VIT: variants seen among roughly 807,000 people sequenced by gnomAD.
VIT encodes the protein vitrin.
In VIT, 99 loss-of-function variants were observed where a neutral mutation model predicts 78.0. The observed-to-expected ratio is 1.27, with a 90% CI of 1.08 to 1.50. VIT has a LOEUF of 1.50. Among genes scored for constraint, VIT ranks in the 40% most tolerant of loss-of-function variants. VIT has a pLI of 0.00. For missense variants in VIT, 1,126 were observed against 875.3 expected, an observed-to-expected ratio of 1.29 and a Z score of -3.61; for synonymous variants, 374 against 334.3, an observed-to-expected ratio of 1.12 and a Z score of -1.29.
At chr2:36,765,221 G>C (rs1197108061) in intron 6 of VIT, among the ~76,000 whole-genome samples, 1 of 152,100 alleles carries the variant, frequency 6.6e-6, no homozygotes, top group African/African-American at 2.4e-5. Flanking sequence ...GGCAGAGGGA[G>C]ATTATTTCAC....
chr2:36,720,403 T>C (rs1412356462), intron 2 of VIT, among the ~76,000 whole-genome samples: 1 of 152,186 alleles, frequency 6.6e-6, no homozygotes, highest in African/African-American at 2.4e-5. Flanking sequence ...GAACAATCTC[T>C]TCAATAAGTG....
At position 36,696,940 on chromosome 2, in the gene VIT, T is replaced by C. The variant is rs1664716968; in HGVS notation, c.-52T>C. On this transcript the variant is annotated 5_prime_UTR_variant, in exon 1 of 16. Coordinates refer to ENST00000379242, the MANE Select transcript of VIT (RefSeq NM_053276.4). ...GAATATTCATTCTGTGTGGTGAAAATTTTTTGAAAAAAAAATTGCCTTCTT... is the reference window on the plus strand; with the variant it reads ...GAATATTCATTCTGTGTGGTGAAAACTTTTTGAAAAAAAAATTGCCTTCTT... 1 of 151,896 alleles carries C rather than the reference T, an allele frequency of 6.6e-6. No individual in the cohort carries two copies. Among genetic ancestry groups the C allele is most frequent in the Admixed American group, 6.6e-5 (1 of 15,260 alleles). 9.4% of individuals were successfully genotyped at this position (151,896 alleles called of 1,614,324 possible).
chr2:36,771,658 G>A (rs1239456709), intron 7 of VIT, among the ~76,000 whole-genome samples: 1 of 152,112 alleles, frequency 6.6e-6, no homozygotes, highest in African/African-American at 2.4e-5. Flanking sequence ...TACACAGTTT[G>A]GATGAGAGTG....
intron 1 of VIT, among the ~76,000 whole-genome samples, chr2:36,712,111 C>G (rs1665838980): frequency 6.6e-6 from 1 of 152,078 alleles, no homozygotes; most frequent in Non-Finnish European, 1.5e-5. Flanking sequence ...GGTGGCAGTC[C>G]TCATGCTCAG....
At chr2:36,797,240 T>C (rs1284454936) in intron 12 of VIT, among the ~76,000 whole-genome samples, 1 of 152,178 alleles carries the variant, frequency 6.6e-6, no homozygotes, top group Non-Finnish European at 1.5e-5. Context: ...CTGTACACAA[T>C]TAGACGTCTT....
At chr2:36,813,036 CAAAAAA>C (rs113165454) in intron 15 of VIT, among the ~76,000 whole-genome samples, 1 of 125,126 alleles carries the variant, frequency 8.0e-6, no homozygotes, top group Non-Finnish European at 1.6e-5. Context: ...TAATTTTTTG[CAAAAAA>C]AAAAAAAAAA....
intron 13 of VIT, among the ~76,000 whole-genome samples, chr2:36,803,164 A>G (rs916021907): frequency 6.6e-6 from 1 of 152,114 alleles, no homozygotes; most frequent in Non-Finnish European, 1.5e-5. Flanking sequence ...GCCCCAAACC[A>G]CTGCAGCTAG....
intron 1 of VIT, among the ~76,000 whole-genome samples, chr2:36,698,901 G>A (rs548773506): frequency 6.6e-4 from 100 of 151,518 alleles, no homozygotes; most frequent in African/African-American, 2.4e-3. Flanking sequence ...CTGAGATCAC[G>A]CCACTACACT....
chr2:36,700,990 C>G (rs1286578801), intron 1 of VIT, among the ~76,000 whole-genome samples: 1 of 152,060 alleles, frequency 6.6e-6, no homozygotes, highest in Non-Finnish European at 1.5e-5. Context: ...CTTCCAAAGT[C>G]ATACTCTTAA....
chr2:36,776,890 C>T (rs1026544325), intron 9 of VIT, among the ~76,000 whole-genome samples: 1 of 151,542 alleles, frequency 6.6e-6, no homozygotes, highest in Admixed American at 6.6e-5. Context: ...GAGATCGAGA[C>T]CATCCCGGCT....
At chr2:36,720,857 A>G (rs986472299) in intron 2 of VIT, among the ~76,000 whole-genome samples, 1 of 152,164 alleles carries the variant, frequency 6.6e-6, no homozygotes, top group Non-Finnish European at 1.5e-5. Flanking sequence ...TAAAAATATA[A>G]AAATTAGCCA....
intron 10 of VIT, among the ~76,000 whole-genome samples, chr2:36,782,257 G>A (rs1178925572): frequency 6.6e-6 from 1 of 152,208 alleles, no homozygotes; most frequent in Non-Finnish European, 1.5e-5. Flanking sequence ...AGGTGAAGGA[G>A]AGGACTCCGC....
chr2:36,718,662 G>A (rs542836218), intron 2 of VIT, among the ~76,000 whole-genome samples: 1 of 152,188 alleles, frequency 6.6e-6, no homozygotes, highest in East Asian at 1.9e-4. Context: ...ACTATTCCCT[G>A]GCTCCTGTCA....
At chr2:36,809,930 G>A (rs978648621) in intron 15 of VIT, among the ~76,000 whole-genome samples, 2 of 145,364 alleles carry the variant, frequency 1.4e-5, no homozygotes, top group Non-Finnish European at 3.0e-5. Flanking sequence ...GTTGGAGGCT[G>A]CAGTGATCTA....
At chr2:36,728,507 A>C (rs1427599296) in intron 2 of VIT, among the ~76,000 whole-genome samples, 1 of 152,050 alleles carries the variant, frequency 6.6e-6, no homozygotes, top group African/African-American at 2.4e-5. Context: ...AGCTAAGATT[A>C]ATATTATATT....
At chr2:36,712,099 C>G (rs1487347553) in intron 1 of VIT, among the ~76,000 whole-genome samples, 1 of 152,178 alleles carries the variant, frequency 6.6e-6, no homozygotes, top group East Asian at 1.9e-4. Flanking sequence ...CTTAATGGTG[C>G]TGGTGGCAGT....
chr2:36,716,441 G>A lies in VIT; in HGVS notation c.52+19G>A, dbSNP rs753600207. The A allele has an allele frequency of 3.1e-6, 5 of 1,612,002 alleles. No individual in the cohort carries two copies. The Admixed American group carries it at 5.0e-5, about 16-fold the overall frequency. The stretch of plus-strand genomic sequence containing the variant: ...TTCCTTGGTAAGTACTTTTATATGT[G>A]TATCTGGATACCCTTTTAAAATTTT... On this transcript the variant is annotated intron_variant, in intron 2 of 15. Transcript: ENST00000379242.
rs73924169 is a variant in VIT, at chr2:36,732,147, T to G, written c.118+2656T>G. 4.9e-3 allele frequency among the ~76,000 whole-genome samples: 747 copies of G among 152,346 alleles called. 1 individual carries two copies. Among genetic ancestry groups the G allele is most frequent in the African/African-American group, 0.017 (713 of 41,582 alleles). ...AATGCACGCCCAAGTATGAATTCCT[T>G]CGGGCTGTTTCCAGTATCTTCATTA... On this transcript the variant is annotated intron_variant, in intron 3 of 15. Transcript: ENST00000379242.
intron 1 of VIT, among the ~76,000 whole-genome samples, chr2:36,708,347 C>T (rs1364636037): frequency 6.6e-6 from 1 of 152,178 alleles, no homozygotes; most frequent in Non-Finnish European, 1.5e-5. Context: ...GCTCTTTCTA[C>T]CTCATGGACA....
Sources: gnomAD v4.1 joint callset for allele counts (sites outside exome capture counted in the v4.1 genomes callset) on GRCh38, gnomAD v4.1.1 for gene constraint, MANE v1.5 for transcripts, NCBI Gene and HGNC (gene_info 2026-07-23, HGNC 2026-07-21) for gene names.